Variants in MTUS2 observed in about 807,000 individuals in gnomAD.
MTUS2 encodes the protein microtubule-associated tumor suppressor candidate 2.
A neutral mutation model predicts 114.1 loss-of-function variants in MTUS2; 40 were observed. The observed-to-expected ratio is 0.35, with a 90% CI of 0.27 to 0.46. The LOEUF (loss-of-function observed/expected upper bound fraction) is 0.46, where lower values mean the gene tolerates loss of function less well. MTUS2 is among the 20% of genes least tolerant of loss of function. The pLI, the probability that MTUS2 is intolerant of heterozygous loss-of-function variation, is 1.00. For synonymous variants in MTUS2, 688 were observed against 672.0 expected, an observed-to-expected ratio of 1.02 and a Z score of -0.37; for missense variants, 1,679 against 1,705.4, an observed-to-expected ratio of 0.98 and a Z score of 0.27.
intron 7 of MTUS2, among the ~76,000 whole-genome samples, chr13:29,356,430 A>G (rs1298329217): frequency 6.6e-6 from 1 of 152,164 alleles, no homozygotes; most frequent in East Asian, 1.9e-4. Context: ...TGAGAAGCAA[A>G]CACCTGTTCT....
At chr13:29,420,922 A>G (rs910932514) in intron 8 of MTUS2, among the ~76,000 whole-genome samples, 38 of 152,328 alleles carry the variant, frequency 2.5e-4, no homozygotes, top group Non-Finnish European at 4.3e-4. Context: ...ACAGACAGGG[A>G]AAAAAAGATT....
intron 12 of MTUS2, among the ~76,000 whole-genome samples, chr13:29,495,593 A>G (rs917603789): frequency 2.0e-5 from 3 of 151,978 alleles, no homozygotes; most frequent in South Asian, 2.1e-4. Flanking sequence ...ATGGGAGGCT[A>G]GGAATGGTGG....
intron 7 of MTUS2, among the ~76,000 whole-genome samples, chr13:29,327,932 G>C (rs1009708257): frequency 1.3e-5 from 2 of 152,026 alleles, no homozygotes; most frequent in Admixed American, 1.3e-4. Context: ...ATTCTAATAG[G>C]TGTGTCATGA....
intron 2 of MTUS2, among the ~76,000 whole-genome samples, chr13:28,936,235 C>A (rs1881893767): frequency 6.6e-6 from 1 of 152,138 alleles, no homozygotes; most frequent in African/African-American, 2.4e-5. Flanking sequence ...GTACCTTTGT[C>A]ACCTCGAACT....
chr13:28,878,714 C>A (rs1158170130), intron 2 of MTUS2, among the ~76,000 whole-genome samples: 2 of 152,176 alleles, frequency 1.3e-5, no homozygotes, highest in African/African-American at 2.4e-5. Flanking sequence ...ACCACGTTTT[C>A]TTTATCCAGT....
At chr13:29,297,271 A>G (rs957766068) in intron 6 of MTUS2, among the ~76,000 whole-genome samples, 2 of 152,222 alleles carry the variant, frequency 1.3e-5, no homozygotes, top group Admixed American at 6.5e-5. Flanking sequence ...GAAAGGATGC[A>G]TAAGTATTTT....
chr13:29,208,283 C>T (rs374658974), intron 5 of MTUS2, among the ~76,000 whole-genome samples: 95 of 152,046 alleles, frequency 6.2e-4, no homozygotes, highest in African/African-American at 2.1e-3. Context: ...AGTATCTCTT[C>T]TTTTGTTTCT....
chr13:29,183,544 G>A (rs926733041), intron 5 of MTUS2, among the ~76,000 whole-genome samples: 1 of 152,166 alleles, frequency 6.6e-6, no homozygotes, highest in African/African-American at 2.4e-5. Context: ...CCAATAGATG[G>A]AATTTAGCAC....
chr13:28,896,840 G>A (rs1374195426), intron 2 of MTUS2, among the ~76,000 whole-genome samples: 3 of 152,210 alleles, frequency 2.0e-5, no homozygotes, highest in South Asian at 2.1e-4. Context: ...GGGAAGACTG[G>A]CTAGCCTTAT....
chr13:29,389,644 T>C lies in MTUS2; in HGVS notation c.3117+30171T>C, dbSNP rs538367779. Among the ~76,000 whole-genome samples, 8 of 146,860 alleles carry C rather than the reference T, an allele frequency of 5.4e-5. 1 individual carries two copies. In the South Asian group the frequency reaches 1.5e-3, roughly 27 times the overall value. ...GTATATATGTATACACATATGTGTA[T>C]GTATATACGTATATATGTATATGTA... is the stretch of plus-strand genomic sequence containing the variant. On this transcript the variant is annotated intron_variant, in intron 8 of 15. Coordinates refer to ENST00000612955, the MANE Select transcript of MTUS2 (RefSeq NM_001033602.4).
intron 5 of MTUS2, among the ~76,000 whole-genome samples, chr13:29,198,886 A>G (rs1462071657): frequency 6.6e-6 from 1 of 152,134 alleles, no homozygotes; most frequent in African/African-American, 2.4e-5. Flanking sequence ...ATTGATGTAT[A>G]GGAACGCTTG....
At chr13:28,934,910 A>G (rs1881809270) in intron 2 of MTUS2, among the ~76,000 whole-genome samples, 1 of 151,168 alleles carries the variant, frequency 6.6e-6, no homozygotes, top group South Asian at 2.1e-4. Context: ...CACCATCCCC[A>G]TCAAGTTATA....
intron 4 of MTUS2, among the ~76,000 whole-genome samples, chr13:29,041,774 G>A (rs1887372591): frequency 6.6e-6 from 1 of 152,126 alleles, no homozygotes; most frequent in Non-Finnish European, 1.5e-5. Context: ...TTTGGTTGCT[G>A]TTGGTGTATA....
At chr13:29,325,479 G>GAAC (rs1593304657) in intron 7 of MTUS2, among the ~76,000 whole-genome samples, 1 of 52,554 alleles carries the variant, frequency 1.9e-5, no homozygotes, top group East Asian at 7.8e-4. Context: ...AAGAAAAGAA[G>GAAC]AAGAGGAAGA....
chr13:29,359,328 G>A lies in MTUS2; in HGVS notation c.2972G>A (p.Arg991His), dbSNP rs765544917. ...GFPPKPDPQA[R>H]EAERQLVLRL... ...CCGCCCAAGCCGGACCCGCAGGCCC[G>A]TGAGGCTGAGCGGCAGCTGGTGCTG... The change falls in exon 8 of 16, where the codon CGT (arginine) becomes CAT (histidine). Residue 991 changes from arginine to histidine, a missense_variant. This residue lies in a region of MTUS2 where 822 missense variants were observed against 899.7 expected (regional missense o/e 0.91). Coordinates refer to ENST00000612955, the MANE Select transcript of MTUS2 (RefSeq NM_001033602.4). 1.1e-5 allele frequency: 18 copies of A among 1,611,090 alleles called. No homozygotes were observed. The highest frequency in any genetic ancestry group is 8.0e-5 in the African/African-American group (6 of 74,898).
At chr13:29,240,777 ATT>A (rs1446025018) in intron 5 of MTUS2, among the ~76,000 whole-genome samples, 50 of 152,078 alleles carry the variant, frequency 3.3e-4, no homozygotes, top group African/African-American at 1.1e-3. Flanking sequence ...ATTTCTTATG[ATT>A]TTATTTATGA....
intron 5 of MTUS2, among the ~76,000 whole-genome samples, chr13:29,111,753 G>A (rs1034253966): frequency 6.6e-5 from 10 of 152,100 alleles, no homozygotes; most frequent in Non-Finnish European, 4.4e-5. Flanking sequence ...AGTAGACAGA[G>A]CGAAGAGATT....
rs185881455 is a variant in MTUS2 at position 29,289,324 on chromosome 13, G to C, written c.2806+7459G>C. On this transcript the variant is annotated intron_variant, in intron 6 of 15. Transcript: ENST00000612955. ...CCAGCTCCGCCTGTCTTAGCCACTG[G>C]ACTTGGGACAAATCAACATTAAGGA... Among the ~76,000 whole-genome samples the C allele has an allele frequency of 5.1e-4, 77 of 152,320 alleles. 1 individual carries two copies. Among genetic ancestry groups the C allele is most frequent in the South Asian group, 4.4e-3 (21 of 4,824 alleles).
chr13:28,915,803 A>G (rs1880713772), intron 2 of MTUS2, among the ~76,000 whole-genome samples: 1 of 151,602 alleles, frequency 6.6e-6, no homozygotes, highest in African/African-American at 2.4e-5. Context: ...TTAACTTGAT[A>G]TGATCTCATT....
Sources: gnomAD v4.1 joint callset for allele counts (sites outside exome capture counted in the v4.1 genomes callset) on GRCh38, gnomAD v4.1.1 for gene constraint, gnomAD v4.1.1 regional missense constraint, MANE v1.5 for transcripts, NCBI Gene and HGNC (gene_info 2026-07-23, HGNC 2026-07-21) for gene names.